DIP2C: variants seen among roughly 807,000 people sequenced by gnomAD.
DIP2C encodes the protein disco-interacting protein 2 homolog C.
DIP2C carries 33 observed loss-of-function variants against 192.4 expected under a neutral mutation model. The ratio of observed to expected loss-of-function variants is 0.17; its 90% CI spans 0.13 to 0.23. The LOEUF (loss-of-function observed/expected upper bound fraction) is 0.23, where lower values mean the gene tolerates loss of function less well. Ranked by LOEUF, DIP2C falls within the 10% of genes least tolerant of loss-of-function variation. The pLI is 1.00. For synonymous variants in DIP2C, 979 were observed against 864.1 expected (o/e 1.13, Z -2.33); for missense variants, 1,537 against 2,110.1 (o/e 0.73, Z 5.32).
At chr10:338,418 TAC>T (rs574761830) in intron 29 of DIP2C, among the ~76,000 whole-genome samples, 155 of 142,246 alleles carry the variant, frequency 1.1e-3, no homozygotes, top group African/African-American at 3.4e-3. Flanking sequence ...GGAAATGCCC[TAC>T]ACAGTTTTTT....
chr10:660,784 TAAG>T (rs1663845529), intron 1 of DIP2C, among the ~76,000 whole-genome samples: 1 of 152,136 alleles, frequency 6.6e-6, no homozygotes, highest in Non-Finnish European at 1.5e-5. Flanking sequence ...CCACAAATAC[TAAG>T]AATAGCCACC....
rs537474402 is a variant in DIP2C at position 452,360 on chromosome 10, C to T, written c.269-11364G>A. Among the ~76,000 whole-genome samples the T allele has an allele frequency of 5.3e-5, 8 of 152,204 alleles. No homozygotes were observed. In the East Asian group the frequency reaches 5.8e-4, roughly 11 times the overall value. The stretch of plus-strand genomic sequence containing the variant: ...CTTCTCAGTGCAGACCCTTAGAGCG[C>T]GCACTAACCCCATCATCAAAACACG... On this transcript the variant is annotated intron_variant, in intron 3 of 36. Coordinates refer to ENST00000280886, the MANE Select transcript of DIP2C (RefSeq NM_014974.3).
intron 1 of DIP2C, among the ~76,000 whole-genome samples, chr10:520,905 C>T (rs1158489904): frequency 6.6e-6 from 1 of 152,190 alleles, no homozygotes; most frequent in African/African-American, 2.4e-5. Flanking sequence ...TAAAGTCATA[C>T]ACTGTTGGCT....
intron 9 of DIP2C, among the ~76,000 whole-genome samples, chr10:400,479 G>T (rs1309770974): frequency 6.6e-6 from 1 of 152,210 alleles, no homozygotes; most frequent in Admixed American, 6.5e-5. Flanking sequence ...TTGTACATGT[G>T]GGGTAGCATT....
intron 4 of DIP2C, among the ~76,000 whole-genome samples, chr10:425,058 T>C (rs1355982593): frequency 8.5e-4 from 86 of 100,658 alleles, no homozygotes; most frequent in East Asian, 2.7e-3. Context: ...GTGACTAATA[T>C]GACACGGATG....
intron 3 of DIP2C, among the ~76,000 whole-genome samples, chr10:468,102 C>T (rs1427536424): frequency 6.6e-6 from 1 of 152,090 alleles, no homozygotes; most frequent in Non-Finnish European, 1.5e-5. Flanking sequence ...GCGGTCGGTT[C>T]AGGAGAAAGA....
At chr10:424,563 ACCATGCTGG>A (rs1183354846) in intron 4 of DIP2C, among the ~76,000 whole-genome samples, 2 of 151,886 alleles carry the variant, frequency 1.3e-5, no homozygotes, top group Non-Finnish European at 2.9e-5. Context: ...ATGGGGTTTC[ACCATGCTGG>A]CCAGGCTGGT....
chr10:494,417 T>C (rs985245180), intron 1 of DIP2C, among the ~76,000 whole-genome samples: 5 of 152,162 alleles, frequency 3.3e-5, no homozygotes, highest in African/African-American at 1.2e-4. Flanking sequence ...TATCTTCCTA[T>C]TTTAGAAGCA....
chr10:545,525 A>C (rs2130920842), intron 1 of DIP2C, among the ~76,000 whole-genome samples: 1 of 152,036 alleles, frequency 6.6e-6, no homozygotes, highest in East Asian at 1.9e-4. Context: ...CATAAGAGAA[A>C]CCCATGAGGA....
intron 32 of DIP2C, 70 bp from the exon 33 acceptor site, chr10:288,491 G>A (rs1472100601): frequency 8.6e-6 from 13 of 1,517,714 alleles, no homozygotes; most frequent in African/African-American, 5.5e-5. Context: ...CAATTCACAC[G>A]AGGTCACGAG....
intron 1 of DIP2C, among the ~76,000 whole-genome samples, chr10:507,604 T>C (rs1403910640): frequency 3.3e-5 from 5 of 152,256 alleles, no homozygotes; most frequent in Non-Finnish European, 7.3e-5. Flanking sequence ...AGATTCCTGA[T>C]GTTTCCAGTG....
intron 3 of DIP2C, among the ~76,000 whole-genome samples, chr10:462,987 CAAT>C (rs1336396256): frequency 1.3e-5 from 2 of 152,156 alleles, no homozygotes; most frequent in Admixed American, 1.3e-4. Context: ...TAAAAACTCT[CAAT>C]AAACTAGATA....
In DIP2C at chr10:636,906, G is replaced by C. The variant is rs1028518325; in HGVS notation, c.85+52588C>G. Among the ~76,000 whole-genome samples, 2 of 152,228 alleles carry C rather than the reference G, an allele frequency of 1.3e-5. No homozygotes were observed. The highest frequency in any genetic ancestry group is 4.8e-5 in the African/African-American group (2 of 41,452). On this transcript the variant is annotated intron_variant, in intron 1 of 36. Coordinates refer to ENST00000280886, the MANE Select transcript of DIP2C (RefSeq NM_014974.3). The surrounding 1 kb of genome is among the most constrained non-coding windows in gnomAD (Gnocchi z 4.6). ...CCGGTGAGGCTGCTGGTTCACGAGG[G>C]GCGGGAGCTCCTAGTCCTGCTCCCC...
At chr10:507,590 G>A (rs1043015996) in intron 1 of DIP2C, among the ~76,000 whole-genome samples, 1 of 152,242 alleles carries the variant, frequency 6.6e-6, no homozygotes, top group East Asian at 1.9e-4. Flanking sequence ...CTGGTCATCA[G>A]CCAAGATTCC....
Position 502,308 on chromosome 10 carries a change from G to T in DIP2C, c.86-15778C>A, listed in dbSNP as rs114456966. Among the ~76,000 whole-genome samples, 1,039 of 152,308 alleles carry T rather than the reference G, an allele frequency of 6.8e-3. 14 individuals carry two copies. The highest frequency in any genetic ancestry group is 0.024 in the African/African-American group (1,001 of 41,548). ...GAATTTTTATCTTTTGCTAAAATGA[G>T]ATTTGGGTGAACTAAATAAAACCAC... On this transcript the variant is annotated intron_variant, in intron 1 of 36. Transcript: ENST00000280886.
intron 1 of DIP2C, among the ~76,000 whole-genome samples, chr10:579,482 G>A (rs117656041): frequency 6.6e-6 from 1 of 150,766 alleles, no homozygotes; most frequent in East Asian, 2.0e-4. Flanking sequence ...CAGATCCAGT[G>A]TACAAACATA....
intron 1 of DIP2C, among the ~76,000 whole-genome samples, chr10:509,099 C>G (rs1389094767): frequency 1.3e-5 from 2 of 152,200 alleles, no homozygotes; most frequent in African/African-American, 4.8e-5. Flanking sequence ...CCCAAGATAT[C>G]TAGTGGCATT....
In DIP2C at chr10:390,724, AGGCTCGGT is replaced by A. The variant is rs772759843; in HGVS notation, c.1384+8_1384+15del. 9 of 1,609,586 alleles carry A rather than the reference AGGCTCGGT, an allele frequency of 5.6e-6. No homozygotes were observed. In the Admixed American group the frequency reaches 1.2e-4, roughly 21 times the overall value. ...AGGACGTGGGCATGCGAGCTCTCGG[AGGCTCGGT>A]GGCTTACCTTTAAACTGTGGGATCT... On this transcript the variant is annotated splice_region_variant and intron_variant, in intron 11 of 36. Transcript: ENST00000280886.
At chr10:449,920 C>CAAAAAAAAAAAA (rs59135780) in intron 3 of DIP2C, among the ~76,000 whole-genome samples, 2 of 135,910 alleles carry the variant, frequency 1.5e-5, no homozygotes, top group Non-Finnish European at 1.5e-5. Context: ...TCAACAACAA[C>CAAAAAAAAAAAA]AAAAAAAAAA....
Sources: gnomAD v4.1 joint callset for allele counts (sites outside exome capture counted in the v4.1 genomes callset) on GRCh38, gnomAD v4.1.1 for gene constraint, Gnocchi (gnomAD v3.1) non-coding constraint, MANE v1.5 for transcripts, NCBI Gene and HGNC (gene_info 2026-07-23, HGNC 2026-07-21) for gene names.